Variants in PPP2R2D observed in about 807,000 individuals in gnomAD.
PPP2R2D encodes the protein serine/threonine-protein phosphatase 2A 55 kDa regulatory subunit B delta isoform.
Under a neutral mutation model 31.1 loss-of-function variants are expected in PPP2R2D, and 9 were observed. That is an observed-to-expected ratio of 0.29 (90% CI 0.17 to 0.51). PPP2R2D has a LOEUF of 0.51. Among genes scored for constraint, PPP2R2D ranks in the 20% least tolerant of loss-of-function variants. The pLI, the probability that PPP2R2D is intolerant of heterozygous loss-of-function variation, is 0.98. For synonymous variants in PPP2R2D, 179 were observed against 172.6 expected (o/e 1.04, Z -0.29); for missense variants, 391 against 465.6 (o/e 0.84, Z 1.48).
chr10:131,906,238 G>A (rs1162273115), intron 2 of PPP2R2D, among the ~76,000 whole-genome samples: 2 of 152,180 alleles, frequency 1.3e-5, no homozygotes, highest in Admixed American at 6.5e-5. Context: ...GTTGGGGGAG[G>A]AGGGTCTTAT....
chr10:131,943,544 C>T (rs1327735730), intron 5 of PPP2R2D, among the ~76,000 whole-genome samples: 2 of 152,098 alleles, frequency 1.3e-5, no homozygotes, highest in African/African-American at 4.8e-5. Context: ...AAGCATAGTC[C>T]TAGTGCAGTG....
intron 2 of PPP2R2D, among the ~76,000 whole-genome samples, chr10:131,909,333 C>T (rs1253807117): frequency 6.6e-6 from 1 of 152,112 alleles, no homozygotes; most frequent in Non-Finnish European, 1.5e-5. Flanking sequence ...AGCGGAGGAG[C>T]GACATCAGCT....
In PPP2R2D at chr10:131,938,164, G is replaced by A. The variant is rs149046213; in HGVS notation, c.199-1867G>A. On this transcript the variant is annotated intron_variant, in intron 3 of 8. Coordinates refer to ENST00000455566, the MANE Select transcript of PPP2R2D (RefSeq NM_018461.5). ...AATGCCCTGCACATTGGACTCTGCAGCAGTGCGGGTGTGGGTAGCTTCTTG... is the reference window on the plus strand; with the variant it reads ...AATGCCCTGCACATTGGACTCTGCAACAGTGCGGGTGTGGGTAGCTTCTTG... Among the ~76,000 whole-genome samples, 8 of 152,382 alleles carry A rather than the reference G, an allele frequency of 5.2e-5. No individual in the cohort carries two copies. In the East Asian group the frequency reaches 1.5e-3, roughly 29 times the overall value.
chr10:131,953,108 G>C (rs1439784525), intron 8 of PPP2R2D, among the ~76,000 whole-genome samples: 3 of 135,196 alleles, frequency 2.2e-5, no homozygotes, highest in African/African-American at 8.5e-5. Context: ...AGTGACTTGC[G>C]GGGGTTCCCT....
Position 131,955,711 on chromosome 10 carries a change from C to T in PPP2R2D, c.1110C>T (p.Asn370=). 2.7e-6 allele frequency: 4 copies of T among 1,474,926 alleles called. No homozygotes were observed. The highest frequency in any genetic ancestry group is 3.6e-6 in the Non-Finnish European group (4 of 1,105,700). The allele number at this position is 1,474,926 out of a possible 1,614,324, so 91.4% of individuals were successfully genotyped here. ...DSAIMTGSYN[N]FFRMFDRDTR... ...CCATCATGACCGGGTCCTATAACAA[C>T]TTCTTCAGGATGTTTGATAGAGACA... The change falls in exon 9 of 9, where the codon AAC becomes AAT. Residue 370 remains asparagine (N), a synonymous_variant. Coordinates refer to ENST00000455566, the MANE Select transcript of PPP2R2D (RefSeq NM_018461.5).
Position 131,901,222 on chromosome 10 carries a change from C to T in PPP2R2D, c.8-16C>T, listed in dbSNP as rs1169582352. ...CGGGGGCCGCGGCCGGCCTGACCGCCCCGTTGTGTTTGCAGGAGCCGGAGG... is the reference window on the plus strand; with the variant it reads ...CGGGGGCCGCGGCCGGCCTGACCGCTCCGTTGTGTTTGCAGGAGCCGGAGG... On this transcript the variant is annotated splice_polypyrimidine_tract_variant and intron_variant, in intron 1 of 8. Coordinates refer to ENST00000455566, the MANE Select transcript of PPP2R2D (RefSeq NM_018461.5). 1.7e-5 allele frequency: 6 copies of T among 348,864 alleles called. No homozygotes were observed. The Admixed American group carries it at 1.9e-4, about 11-fold the overall frequency. 21.6% of individuals were successfully genotyped at this position (348,864 alleles called of 1,614,324 possible).
chr10:131,947,938 A>G lies in PPP2R2D; in HGVS notation c.1082+147A>G, dbSNP rs150163610. Reference sequence around the variant, plus strand: ...CCAGACCTTTTGATTGATGGATGATAGTATCAAGGTAGAGAAAATAGGATC... The same window carrying G: ...CCAGACCTTTTGATTGATGGATGATGGTATCAAGGTAGAGAAAATAGGATC... On this transcript the variant is annotated intron_variant, in intron 8 of 8. Coordinates refer to ENST00000455566, the MANE Select transcript of PPP2R2D (RefSeq NM_018461.5). This position sits in a 1 kb window ranked among gnomAD's most constrained non-coding sequence, Gnocchi z 4.3. The G allele has an allele frequency of 4.7e-4, 461 of 977,950 alleles. 1 individual carries two copies. In the African/African-American group the frequency reaches 5.8e-3, roughly 12 times the overall value. The allele number at this position is 977,950 out of a possible 1,614,324, so 60.6% of individuals were successfully genotyped here.
intron 6 of PPP2R2D, among the ~76,000 whole-genome samples, 197 bp downstream of exon 6, chr10:131,944,342 A>T (rs1476207320): frequency 1.3e-5 from 2 of 152,242 alleles, no homozygotes; most frequent in African/African-American, 4.8e-5. Context: ...CCTTTGGGAA[A>T]AAGTTATCTG....
chr10:131,960,789 G>A (rs1416638588), downstream of PPP2R2D, among the ~76,000 whole-genome samples: 1 of 152,244 alleles, frequency 6.6e-6, no homozygotes, highest in East Asian at 1.9e-4. Context: ...CTTGGCCAGC[G>A]GCTTTGGCAT....
chr10:131,934,619 G>A, intron 3 of PPP2R2D, 64 bp downstream of exon 3: 1 of 739,352 alleles, frequency 1.4e-6, no homozygotes, highest in Non-Finnish European at 2.5e-6. Flanking sequence ...AACTTAGAAG[G>A]GAGGAAGCAA....
intron 2 of PPP2R2D, among the ~76,000 whole-genome samples, chr10:131,919,575 G>A (rs570838771): frequency 7.8e-6 from 1 of 127,928 alleles, no homozygotes; most frequent in African/African-American, 3.0e-5. Flanking sequence ...GATCTCACGT[G>A]GGTGGAATGA....
chr10:131,954,363 A>G (rs1304728642), intron 8 of PPP2R2D, among the ~76,000 whole-genome samples: 2 of 152,288 alleles, frequency 1.3e-5, no homozygotes, highest in Non-Finnish European at 2.9e-5. Flanking sequence ...TGTAAGCTTC[A>G]GATTCACACA....
chr10:131,902,887 G>C (rs1361866331), intron 2 of PPP2R2D, among the ~76,000 whole-genome samples: 1 of 152,066 alleles, frequency 6.6e-6, no homozygotes, highest in Non-Finnish European at 1.5e-5. Flanking sequence ...GAAGTAGCTA[G>C]GACCACACAC....
chr10:131,933,757 G>C (rs1309100934), intron 2 of PPP2R2D, among the ~76,000 whole-genome samples: 1 of 152,030 alleles, frequency 6.6e-6, no homozygotes, highest in Non-Finnish European at 1.5e-5. Context: ...CCAACCCGAA[G>C]GGTTAGCCTC....
At chr10:131,921,001 A>C (rs945092336) in intron 2 of PPP2R2D, among the ~76,000 whole-genome samples, 9 of 152,354 alleles carry the variant, frequency 5.9e-5, no homozygotes, top group South Asian at 4.1e-4. Flanking sequence ...GATGAATTTC[A>C]GGAACAAGTT....
At chr10:131,966,446 G>A in the PPP2R2D span, 7 of 152,156 alleles carry the variant, frequency 4.6e-5, no homozygotes, top group South Asian at 2.1e-4. Flanking sequence ...ATTCAGATAC[G>A]CACACACATC....
At chr10:131,930,448 C>G (rs555088772) in intron 2 of PPP2R2D, among the ~76,000 whole-genome samples, 4 of 152,374 alleles carry the variant, frequency 2.6e-5, no homozygotes, top group African/African-American at 7.2e-5. Context: ...AATTGCCTCT[C>G]GCAGCAGTTT....
At position 131,958,586 on chromosome 10, in the gene PPP2R2D, G is replaced by A. The variant is rs2036863770; in HGVS notation, c.*2623G>A. On this transcript the variant is annotated 3_prime_UTR_variant, in exon 9 of 9. Coordinates refer to ENST00000455566, the MANE Select transcript of PPP2R2D (RefSeq NM_018461.5). ...GTATGCTGATCCCCTGTCCCCCTGT[G>A]GGGATGAAGGTGTGTGCTGATCTCT... 1 of 216,382 alleles carries A rather than the reference G, an allele frequency of 4.6e-6. No individual in the cohort carries two copies. Among genetic ancestry groups the A allele is most frequent in the Non-Finnish European group, 9.2e-6 (1 of 109,230 alleles). The allele number at this position is 216,382 out of a possible 1,614,324, so 13.4% of individuals were successfully genotyped here. A position where few individuals can be genotyped will look rare whatever the true frequency, so the allele number is the denominator to read the frequency against.
chr10:131,951,904 C>G (rs1554898807), intron 8 of PPP2R2D, among the ~76,000 whole-genome samples: 4 of 152,214 alleles, frequency 2.6e-5, no homozygotes, highest in Non-Finnish European at 4.4e-5. Flanking sequence ...AGGACCCCAA[C>G]TGGGGATGGG....
Sources: allele counts gnomAD v4.1 joint callset (sites outside exome capture counted in the v4.1 genomes callset), GRCh38; gene constraint gnomAD v4.1.1; non-coding constraint Gnocchi (gnomAD v3.1); transcripts MANE v1.5; gene names NCBI Gene and HGNC (gene_info 2026-07-23, HGNC 2026-07-21).